CFAP54: variants seen among roughly 807,000 people sequenced by gnomAD.
CFAP54 encodes the protein cilia and flagella associated protein 54, also known as cilia- and flagella-associated protein 54.
In CFAP54, 290 loss-of-function variants were observed where a neutral mutation model predicts 370.4. That is an observed-to-expected ratio of 0.78 (90% CI 0.71 to 0.86). The LOEUF (loss-of-function observed/expected upper bound fraction) is 0.86. Among genes scored for constraint, CFAP54 ranks in the 40% least tolerant of loss-of-function variants. The pLI, the probability that CFAP54 is intolerant of heterozygous loss-of-function variation, is 0.00. For synonymous variants in CFAP54, 1,206 were observed against 1,236.5 expected (o/e 0.98, Z 0.52); for missense variants, 3,399 against 3,528.7 (o/e 0.96, Z 0.93).
rs575124208 is a variant in CFAP54 at position 96,805,140 on chromosome 12, C to T, written c.8851-6596C>T. ...AAGACCTGAAATTATTAAAAAAATC[C>T]AACAAGAAAACCTAAAAAATTCTCC... On this transcript the variant is annotated intron_variant, in intron 63 of 67. Coordinates refer to ENST00000524981, the MANE Select transcript of CFAP54 (RefSeq NM_001306084.2). Among the ~76,000 whole-genome samples the T allele has an allele frequency of 1.9e-4, 29 of 151,844 alleles. No homozygotes were observed. The South Asian group carries it at 6.0e-3, about 32-fold the overall frequency.
chr12:96,693,661 T>G, intron 44 of CFAP54, 61 bp from the exon 45 acceptor site: 1 of 1,088,964 alleles, frequency 9.2e-7, no homozygotes, highest in Non-Finnish European at 1.4e-6. Flanking sequence ...CTAAATTTGA[T>G]TATTAGGTTA....
chr12:96,778,968 C>T (rs1039966579), intron 60 of CFAP54, among the ~76,000 whole-genome samples: 15 of 151,964 alleles, frequency 9.9e-5, no homozygotes, highest in African/African-American at 1.4e-4. Context: ...ATTAGCCAGG[C>T]GTGGGGGCAG....
At chr12:96,583,672 T>C (rs1368124502) in intron 22 of CFAP54, among the ~76,000 whole-genome samples, 1 of 152,128 alleles carries the variant, frequency 6.6e-6, no homozygotes, top group Admixed American at 6.5e-5. Context: ...CCTAAAAGGG[T>C]GTCTCAGGGA....
chr12:96,806,159 AATATATATATATATATAT>A (rs548500750), intron 63 of CFAP54, among the ~76,000 whole-genome samples: 434 of 27,888 alleles, frequency 0.016, 9 homozygotes, highest in Middle Eastern at 0.083. Context: ...TCACTAGCCA[AATATATATATATATATAT>A]ATATATATAT....
intron 22 of CFAP54, among the ~76,000 whole-genome samples, chr12:96,583,345 G>T (rs1956048583): frequency 6.6e-6 from 1 of 152,204 alleles, no homozygotes; most frequent in Non-Finnish European, 1.5e-5. Flanking sequence ...AAATCTGTGA[G>T]CAGGATTCTG....
chr12:96,608,086 G>A lies in CFAP54; in HGVS notation c.3639+9319G>A, dbSNP rs142014425. On this transcript the variant is annotated intron_variant, in intron 26 of 67. Coordinates refer to ENST00000524981, the MANE Select transcript of CFAP54 (RefSeq NM_001306084.2). ...AGGAATAATGGGAGCAATGAATCTT[G>A]CAATATATGTATTATTAAAATTAAT... Among the ~76,000 whole-genome samples the A allele has an allele frequency of 4.6e-3, 701 of 152,206 alleles. 1 individual carries two copies. The highest frequency in any genetic ancestry group is 8.3e-3 in the Non-Finnish European group (566 of 68,010).
intron 67 of CFAP54, among the ~76,000 whole-genome samples, chr12:96,868,329 T>C (rs756481519): frequency 3.3e-5 from 5 of 152,176 alleles, no homozygotes; most frequent in Non-Finnish European, 7.3e-5. Context: ...ATTTGACTCC[T>C]ACTGAGGTTG....
intron 6 of CFAP54, 42 bp from the exon 7 acceptor site, chr12:96,521,815 A>G (rs1331108950): frequency 1.7e-5 from 23 of 1,350,812 alleles, no homozygotes; most frequent in Non-Finnish European, 2.2e-5. Flanking sequence ...TTTAATCACT[A>G]TATTCTGATT....
chr12:96,532,852 C>T (rs1352769045), intron 9 of CFAP54, among the ~76,000 whole-genome samples: 2 of 152,136 alleles, frequency 1.3e-5, no homozygotes, highest in African/African-American at 4.8e-5. Context: ...AACTCCTGGG[C>T]TCAAGGGATC....
At chr12:96,725,010 G>C (rs1399611091) in intron 50 of CFAP54, among the ~76,000 whole-genome samples, 3 of 152,108 alleles carry the variant, frequency 2.0e-5, no homozygotes, top group East Asian at 3.9e-4. Context: ...ATTTCTGAGG[G>C]CTCTGTTCTG....
At chr12:96,765,893 T>C (rs1214910490) in intron 60 of CFAP54, among the ~76,000 whole-genome samples, 1 of 152,202 alleles carries the variant, frequency 6.6e-6, no homozygotes, top group Non-Finnish European at 1.5e-5. Flanking sequence ...TTAACATTCA[T>C]TTATGTGTTT....
At chr12:96,496,412 T>C (rs974952820) in intron 1 of CFAP54, among the ~76,000 whole-genome samples, 1 of 152,234 alleles carries the variant, frequency 6.6e-6, no homozygotes, top group African/African-American at 2.4e-5. Flanking sequence ...TTTCACAGTC[T>C]GAAGGCTGGA....
intron 67 of CFAP54, among the ~76,000 whole-genome samples, chr12:96,865,466 T>C (rs1672672098): frequency 1.3e-5 from 2 of 152,244 alleles, no homozygotes; most frequent in Admixed American, 6.5e-5. Context: ...GATGAGTACA[T>C]ATATACTAAA....
intron 50 of CFAP54, among the ~76,000 whole-genome samples, chr12:96,723,246 G>A (rs1342160799): frequency 6.6e-6 from 1 of 152,078 alleles, no homozygotes; most frequent in Non-Finnish European, 1.5e-5. Context: ...AGTAAAGACA[G>A]AATTTTAATA....
chr12:96,561,210 G>T (rs1037921825), intron 17 of CFAP54, among the ~76,000 whole-genome samples: 2 of 152,120 alleles, frequency 1.3e-5, no homozygotes, highest in African/African-American at 4.8e-5. Context: ...GGAGGTAATT[G>T]CATAATGGGG....
At chr12:96,593,919 C>G (rs1956150187) in intron 24 of CFAP54, among the ~76,000 whole-genome samples, 1 of 151,712 alleles carries the variant, frequency 6.6e-6, no homozygotes, top group Admixed American at 6.6e-5. Context: ...AAATGAGAAC[C>G]TGTTAATCAA....
chr12:96,857,301 C>T (rs1425627735), intron 66 of CFAP54, among the ~76,000 whole-genome samples: 1 of 152,136 alleles, frequency 6.6e-6, no homozygotes, highest in Non-Finnish European at 1.5e-5. Flanking sequence ...CACCTTCTAC[C>T]CTCAAGTAGA....
chr12:96,664,701 A>ATATATATATATCTATATATATC (rs1957043986), intron 39 of CFAP54, among the ~76,000 whole-genome samples: 3 of 10,150 alleles, frequency 3.0e-4, no homozygotes. Context: ...ATATATCTAT[A>ATATATATATATCTATATATATC]TATATATATA....
intron 66 of CFAP54, among the ~76,000 whole-genome samples, chr12:96,860,024 G>T (rs1440901366): frequency 6.6e-6 from 1 of 151,202 alleles, no homozygotes; most frequent in East Asian, 1.9e-4. Context: ...ACAAAAACCA[G>T]CCTCCAAATA....
Sources: gnomAD v4.1 joint callset for allele counts (sites outside exome capture counted in the v4.1 genomes callset) on GRCh38, gnomAD v4.1.1 for gene constraint, MANE v1.5 for transcripts, NCBI Gene and HGNC (gene_info 2026-07-23, HGNC 2026-07-21) for gene names.